Variants in MTMR9 observed in about 807,000 individuals in gnomAD.
MTMR9 encodes myotubularin related protein 9.
In MTMR9, 39 loss-of-function variants were observed where a neutral mutation model predicts 69.5. That is an observed-to-expected ratio of 0.56 (90% CI 0.43 to 0.73). The LOEUF (loss-of-function observed/expected upper bound fraction) is 0.73, where lower values mean the gene tolerates loss of function less well. MTMR9 is among the 30% of genes least tolerant of loss of function. MTMR9 has a pLI of 0.00. For missense variants in MTMR9, 900 were observed against 671.2 expected (o/e 1.34, Z -3.77); for synonymous variants, 354 against 240.8 (o/e 1.47, Z -4.35).
chr8:11,310,046 A>T (rs923653607), intron 6 of MTMR9, among the ~76,000 whole-genome samples: 3 of 152,192 alleles, frequency 2.0e-5, no homozygotes, highest in African/African-American at 7.2e-5. Context: ...AGAGGAGCGA[A>T]CTTACCTCCT....
At chr8:11,293,633 C>T (rs931741070) in intron 1 of MTMR9, among the ~76,000 whole-genome samples, 1 of 152,042 alleles carries the variant, frequency 6.6e-6, no homozygotes, top group African/African-American at 2.4e-5. Flanking sequence ...ATTGCCTCAC[C>T]TAAGGTCACA....
chr8:11,316,641 A>G, intron 7 of MTMR9, 32 bp from the exon 8 acceptor site: 2 of 1,473,660 alleles, frequency 1.4e-6, no homozygotes, highest in Non-Finnish European at 1.8e-6. Context: ...TCTCACCAGG[A>G]TATGACTGTC....
chr8:11,300,246 A>G, intron 3 of MTMR9, 98 bp downstream of exon 3: 2 of 1,329,654 alleles, frequency 1.5e-6, no homozygotes, highest in Non-Finnish European at 2.1e-6. Context: ...AATAAGGTGA[A>G]GTTGACTTAT....
In MTMR9 at chr8:11,325,692, TGA is replaced by T. The variant is rs1399950385; in HGVS notation, c.*2905_*2906del. 6.6e-6 allele frequency: 1 copy of T among 152,030 alleles called. No individual in the cohort carries two copies. The highest frequency in any genetic ancestry group is 1.5e-5 in the Non-Finnish European group (1 of 68,002). 9.4% of individuals were successfully genotyped at this position (152,030 alleles called of 1,614,324 possible). ...TTTTAATCAGAAGAACATTGTTGTT[TGA>T]TTATATGTTTTTAAAAACCTGAAGC... On this transcript the variant is annotated 3_prime_UTR_variant, in exon 10 of 10. Coordinates refer to ENST00000221086, the MANE Select transcript of MTMR9 (RefSeq NM_015458.4).
intron 6 of MTMR9, among the ~76,000 whole-genome samples, chr8:11,310,775 T>A (rs1800165557): frequency 6.6e-6 from 1 of 151,964 alleles, no homozygotes; most frequent in Non-Finnish European, 1.5e-5. Flanking sequence ...CTGTTTTTTT[T>A]ATGAAACAGG....
chr8:11,287,827 A>G (rs1340420380), intron 1 of MTMR9, among the ~76,000 whole-genome samples: 1 of 124,494 alleles, frequency 8.0e-6, no homozygotes, highest in African/African-American at 3.2e-5. Flanking sequence ...AATATATAAT[A>G]TATAACATTA....
intron 9 of MTMR9, chr8:11,321,614 A>C (rs527603795): frequency 2.6e-4 from 108 of 411,518 alleles, no homozygotes; most frequent in South Asian, 1.1e-3. Context: ...GGAGAAGAAG[A>C]AGCTCTCTAT....
chr8:11,319,516 CCGA>C, intron 8 of MTMR9, 168 bp from the exon 9 acceptor site: 1 of 641,214 alleles, frequency 1.6e-6, no homozygotes, highest in East Asian at 2.8e-5. Context: ...AGTTCTAATG[CCGA>C]TTGAGCTTTT....
At chr8:11,304,032 T>C (rs866956611) in intron 3 of MTMR9, among the ~76,000 whole-genome samples, 67 of 152,224 alleles carry the variant, frequency 4.4e-4, no homozygotes, top group African/African-American at 1.5e-3. Flanking sequence ...ACAGAACATA[T>C]TGAAATTTAC....
At chr8:11,315,210 C>G (rs900600961) in intron 7 of MTMR9, 146 bp downstream of exon 7, 6 of 990,892 alleles carry the variant, frequency 6.1e-6, no homozygotes, top group African/African-American at 1.6e-5. Context: ...GTTAATCTGT[C>G]TTCTCCTTGT....
intron 1 of MTMR9, among the ~76,000 whole-genome samples, chr8:11,294,154 C>T (rs527628185): frequency 6.6e-6 from 1 of 152,186 alleles, no homozygotes; most frequent in African/African-American, 2.4e-5. Context: ...AAAGAAAATT[C>T]TGGGTACATT....
chr8:11,290,945 A>G (rs1199566044), intron 1 of MTMR9, among the ~76,000 whole-genome samples: 1 of 147,496 alleles, frequency 6.8e-6, no homozygotes, highest in Non-Finnish European at 1.5e-5. Context: ...TGCTATGTTC[A>G]TGGGATTTTT....
intron 1 of MTMR9, among the ~76,000 whole-genome samples, chr8:11,293,869 A>C (rs964636368): frequency 2.6e-5 from 4 of 151,342 alleles, no homozygotes; most frequent in Admixed American, 6.6e-5. Context: ...AAGTGGATCT[A>C]TTTCTGGACT....
chr8:11,339,173 A>G, the MTMR9 span, among the ~76,000 whole-genome samples: 1 of 152,332 alleles, frequency 6.6e-6, no homozygotes, highest in East Asian at 1.9e-4. Context: ...CAGTTAGGTC[A>G]TGGTGGTTGA....
At chr8:11,337,641 T>C in the MTMR9 span, among the ~76,000 whole-genome samples, 1 of 152,264 alleles carries the variant, frequency 6.6e-6, no homozygotes, top group African/African-American at 2.4e-5. Context: ...AGTGTTGACA[T>C]AGCCCTGGGG....
chr8:11,331,300 C>A, downstream of MTMR9: 5 of 1,613,998 alleles, frequency 3.1e-6, no homozygotes, highest in Non-Finnish European at 4.2e-6. Context: ...TACCAGGGTT[C>A]CAACCTGCCC....
chr8:11,295,872 A>G lies in MTMR9; in HGVS notation c.291+570A>G, dbSNP rs1323489726. On this transcript the variant is annotated intron_variant, in intron 2 of 9. Coordinates refer to ENST00000221086, the MANE Select transcript of MTMR9 (RefSeq NM_015458.4). ...TAGGTAGGGACTGGGGGGACCTAGA[A>G]GCCCTCATTGACTTGACTATTCCCA... Among the ~76,000 whole-genome samples, 6 of 152,180 alleles carry G rather than the reference A, an allele frequency of 3.9e-5. No homozygotes were observed. The East Asian group carries it at 1.2e-3, about 29-fold the overall frequency.
intron 5 of MTMR9, among the ~76,000 whole-genome samples, chr8:11,308,483 C>T (rs1438640894): frequency 6.6e-6 from 1 of 152,162 alleles, no homozygotes; most frequent in Admixed American, 6.5e-5. Context: ...GCCATCAGGA[C>T]CAGGGCTTTT....
chr8:11,309,690 T>G lies in MTMR9; in HGVS notation c.971+2T>G. 6.2e-7 allele frequency: 1 copy of G among 1,613,108 alleles called. No homozygotes were observed. Reference sequence around the variant, plus strand: ...CCTAGCGGCTCAGTGCATCGACAGGTAAAGTGCATTTCAGCGTTCCTGAGC... The same window carrying G: ...CCTAGCGGCTCAGTGCATCGACAGGGAAAGTGCATTTCAGCGTTCCTGAGC... On this transcript the variant is annotated splice_donor_variant, in intron 6 of 9. Transcript: ENST00000221086. LOFTEE classifies it high-confidence loss of function.
Sources: gnomAD v4.1 joint callset for allele counts (sites outside exome capture counted in the v4.1 genomes callset) on GRCh38, gnomAD v4.1.1 for gene constraint, MANE v1.5 for transcripts, NCBI Gene and HGNC (gene_info 2026-07-23, HGNC 2026-07-21) for gene names.